COL19A1: variants seen among roughly 807,000 people sequenced by gnomAD.
The protein encoded by COL19A1 is collagen type XIX alpha 1 chain, also known as collagen alpha-1(XIX) chain.
A neutral mutation model predicts 190.2 loss-of-function variants in COL19A1; 159 were observed. The ratio of observed to expected loss-of-function variants is 0.84; its 90% CI spans 0.73 to 0.95. COL19A1 has a LOEUF of 0.95. COL19A1 is among the 40% of genes least tolerant of loss of function. COL19A1 has a pLI of 0.00. For synonymous variants in COL19A1, 509 were observed against 458.9 expected (o/e 1.11, Z -1.39); for missense variants, 1,418 against 1,431.9 (o/e 0.99, Z 0.16).
intron 2 of COL19A1, among the ~76,000 whole-genome samples, chr6:69,888,879 T>C (rs542369867): frequency 1.3e-5 from 2 of 152,270 alleles, no homozygotes; most frequent in Non-Finnish European, 2.9e-5. Context: ...TACCTTTTTT[T>C]GTTAACTGGT....
chr6:70,010,420 G>A lies in COL19A1; in HGVS notation c.1027-13207G>A, dbSNP rs538362719. ...TCCCAGCGTGAGCGACGCAGAAGAC[G>A]GTGATTTCTGCATTTCCATCTGAGG... On this transcript the variant is annotated intron_variant, in intron 11 of 50. Transcript: ENST00000620364. Among the ~76,000 whole-genome samples the A allele has an allele frequency of 6.8e-5, 10 of 146,952 alleles. 1 individual carries two copies. Among genetic ancestry groups the A allele is most frequent in the Non-Finnish European group, 1.0e-4 (7 of 66,866 alleles).
chr6:69,891,127 G>T, intron 2 of COL19A1: 1 of 218,926 alleles, frequency 4.6e-6, no homozygotes, highest in Admixed American at 3.9e-5. Flanking sequence ...AACAAGGGGA[G>T]GGATAAGGAC....
intron 14 of COL19A1, among the ~76,000 whole-genome samples, chr6:70,056,839 C>G (rs1221350015): frequency 1.3e-5 from 2 of 151,974 alleles, no homozygotes; most frequent in African/African-American, 2.4e-5. Flanking sequence ...TTTTCAACAC[C>G]TCACTCAATT....
Position 70,199,510 on chromosome 6 carries a change from C to G in COL19A1, c.3095-98C>G, listed in dbSNP as rs1767411451. On this transcript the variant is annotated intron_variant, in intron 48 of 50. Transcript: ENST00000620364. ...AAATTAGATGTGCTTAAATTAAAAA[C>G]TAAATCTTTTTGTTTGTTTGATTTC... The G allele has an allele frequency of 6.0e-6, 6 of 993,334 alleles. No individual in the cohort carries two copies. In the South Asian group the frequency reaches 2.0e-4, roughly 34 times the overall value. The allele number at this position is 993,334 out of a possible 1,614,324, so 61.5% of individuals were successfully genotyped here. A position where few individuals can be genotyped will look rare whatever the true frequency, so the allele number is the denominator to read the frequency against.
At chr6:70,050,414 T>C (rs542903596) in intron 14 of COL19A1, among the ~76,000 whole-genome samples, 3 of 152,190 alleles carry the variant, frequency 2.0e-5, no homozygotes, top group African/African-American at 7.2e-5. Flanking sequence ...GAATTCTAAG[T>C]ATTCCTTTTA....
At chr6:69,898,660 T>C (rs762221098) in intron 2 of COL19A1, among the ~76,000 whole-genome samples, 3 of 152,180 alleles carry the variant, frequency 2.0e-5, no homozygotes, top group Non-Finnish European at 2.9e-5. Flanking sequence ...AACTAGCTTA[T>C]TTCCAAATGT....
intron 14 of COL19A1, among the ~76,000 whole-genome samples, chr6:70,064,436 A>C (rs964266836): frequency 3.9e-5 from 6 of 152,180 alleles, no homozygotes; most frequent in Non-Finnish European, 8.8e-5. Context: ...ACTCTCAATA[A>C]ATTAGGTATT....
intron 9 of COL19A1, among the ~76,000 whole-genome samples, chr6:69,948,063 A>G (rs1032984391): frequency 6.6e-5 from 10 of 151,812 alleles, no homozygotes; most frequent in Non-Finnish European, 1.3e-4. Context: ...ATATTACTTG[A>G]TCACCTAAAG....
At chr6:69,966,913 A>G (rs576462258) in intron 11 of COL19A1, among the ~76,000 whole-genome samples, 1 of 152,220 alleles carries the variant, frequency 6.6e-6, no homozygotes, top group Non-Finnish European at 1.5e-5. Context: ...ATTTATGAAA[A>G]GAAACAGCAA....
At chr6:70,183,558 A>T (rs754341880) in intron 44 of COL19A1, among the ~76,000 whole-genome samples, 9 of 152,220 alleles carry the variant, frequency 5.9e-5, no homozygotes, top group Non-Finnish European at 8.8e-5. Flanking sequence ...TTTCTTTCAC[A>T]TCCTCTCCTA....
At chr6:70,183,662 A>G (rs533957388) in intron 44 of COL19A1, among the ~76,000 whole-genome samples, 1 of 152,184 alleles carries the variant, frequency 6.6e-6, no homozygotes, top group African/African-American at 2.4e-5. Flanking sequence ...CGTACTCTCA[A>G]TAATTCCCAG....
At chr6:70,031,352 T>C (rs1417612113) in intron 12 of COL19A1, among the ~76,000 whole-genome samples, 1 of 152,142 alleles carries the variant, frequency 6.6e-6, no homozygotes, top group African/African-American at 2.4e-5. Context: ...TGCAATACAT[T>C]TTTTAAAAGT....
At chr6:70,054,088 C>A (rs962015583) in intron 14 of COL19A1, among the ~76,000 whole-genome samples, 2 of 152,272 alleles carry the variant, frequency 1.3e-5, no homozygotes, top group South Asian at 4.1e-4. Context: ...CAGTGGCTCA[C>A]GCCTTAATCC....
chr6:70,131,961 A>G (rs1408111823), intron 18 of COL19A1, among the ~76,000 whole-genome samples: 1 of 152,226 alleles, frequency 6.6e-6, no homozygotes, highest in East Asian at 1.9e-4. Context: ...AGGAAAAGCC[A>G]GTGGCATAAC....
chr6:70,170,997 G>A (rs571494143), intron 40 of COL19A1, among the ~76,000 whole-genome samples: 3 of 152,156 alleles, frequency 2.0e-5, no homozygotes, highest in Non-Finnish European at 4.4e-5. Flanking sequence ...TTAACAAGAA[G>A]GCATCAAACA....
intron 2 of COL19A1, among the ~76,000 whole-genome samples, chr6:69,896,271 C>G (rs1311191335): frequency 6.6e-6 from 1 of 152,164 alleles, no homozygotes; most frequent in Non-Finnish European, 1.5e-5. Context: ...GGCGCGGTGG[C>G]TCACGCCTGT....
chr6:70,192,048 T>G (rs934598407), intron 48 of COL19A1, among the ~76,000 whole-genome samples: 2 of 151,668 alleles, frequency 1.3e-5, no homozygotes, highest in Non-Finnish European at 2.9e-5. Flanking sequence ...AATGGGGTTT[T>G]TTGTTGTTGT....
chr6:70,118,751 T>C (rs75266176), intron 16 of COL19A1, among the ~76,000 whole-genome samples: 5,852 of 152,284 alleles, frequency 0.038, 149 homozygotes, highest in Non-Finnish European at 0.06. Context: ...ATCTTGTGGA[T>C]ATTTGAATAA....
At chr6:69,880,742 T>C (rs1768486645) in intron 2 of COL19A1, among the ~76,000 whole-genome samples, 1 of 152,176 alleles carries the variant, frequency 6.6e-6, no homozygotes, top group East Asian at 1.9e-4. Context: ...GTCATACAAT[T>C]TGGGGGGGAA....
Sources: gnomAD v4.1 joint callset for allele counts (sites outside exome capture counted in the v4.1 genomes callset) on GRCh38, gnomAD v4.1.1 for gene constraint, MANE v1.5 for transcripts, NCBI Gene and HGNC (gene_info 2026-07-23, HGNC 2026-07-21) for gene names.